Variants in SCAF11 observed in about 807,000 individuals in gnomAD.
SCAF11 encodes protein SCAF11.
In SCAF11, 47 loss-of-function variants were observed where a neutral mutation model predicts 140.5. That is an observed-to-expected ratio of 0.33 (90% confidence interval 0.26 to 0.43). The LOEUF (loss-of-function observed/expected upper bound fraction) is 0.43, where lower values mean the gene tolerates loss of function less well. SCAF11 is among the 20% of genes least tolerant of loss of function. The probability of loss-of-function intolerance (pLI) is 1.00; values close to 1 mark genes in which losing one functional copy is unlikely to be tolerated. For synonymous variants in SCAF11, 557 were observed against 579.4 expected, an observed-to-expected ratio of 0.96 and a Z score of 0.55; for missense variants, 1,645 against 1,705.1, an observed-to-expected ratio of 0.96 and a Z score of 0.62.
At chr12:45,976,585 G>T (rs1046018451) in intron 1 of SCAF11, among the ~76,000 whole-genome samples, 3 of 151,994 alleles carry the variant, frequency 2.0e-5, no homozygotes, top group Non-Finnish European at 4.4e-5. Context: ...AAGTTGGCCA[G>T]TTAAAATGGA....
chr12:45,982,379 C>T lies in SCAF11; in HGVS notation c.-22+7974G>A, dbSNP rs543613727. ...CTTCTTGACAAGCCATCTAGGCATA[C>T]AAAATAGTGCTATACGTATATTTAC... is the stretch of plus-strand genomic sequence containing the variant. On this transcript the variant is annotated intron_variant, in intron 1 of 14. Coordinates refer to ENST00000369367, the MANE Select transcript of SCAF11 (RefSeq NM_004719.3). Among the ~76,000 whole-genome samples, 5 of 152,214 alleles carry T rather than the reference C, an allele frequency of 3.3e-5. No individual in the cohort carries two copies. The East Asian group carries it at 9.6e-4, about 29-fold the overall frequency.
chr12:45,954,834 C>T (rs980429231), intron 3 of SCAF11: 1 of 149,724 alleles, frequency 6.7e-6, no homozygotes, highest in East Asian at 2.0e-4. Context: ...GATCCTCCTA[C>T]CTCAGCCTCC....
intron 3 of SCAF11, chr12:45,954,733 C>CTTTTTTTTTTTTT (rs759746881): frequency 1.1e-5 from 1 of 93,910 alleles, no homozygotes; most frequent in Non-Finnish European, 1.9e-5. Flanking sequence ...CCGTGCCTAG[C>CTTTTTTTTTTTTT]TTTTTTTTTT....
At chr12:45,979,689 T>C (rs1946308072) in intron 1 of SCAF11, among the ~76,000 whole-genome samples, 1 of 152,210 alleles carries the variant, frequency 6.6e-6, no homozygotes, top group Admixed American at 6.5e-5. Flanking sequence ...GCCTATTATC[T>C]GAATTTCTTA....
chr12:45,991,774 C>T, upstream of SCAF11: 1 of 761,050 alleles, frequency 1.3e-6, no homozygotes. Context: ...GTTGCTCTGC[C>T]TGCCCTCAGT....
chr12:45,957,640 A>G (rs1945722973), intron 3 of SCAF11, among the ~76,000 whole-genome samples: 1 of 152,190 alleles, frequency 6.6e-6, no homozygotes, highest in Admixed American at 6.5e-5. Context: ...AGGGAGAATA[A>G]TCTGCTTATA....
upstream of SCAF11, chr12:45,992,048 T>G: frequency 2.3e-6 from 3 of 1,288,542 alleles, no homozygotes; most frequent in Non-Finnish European, 3.0e-6. Context: ...ACTGCCGCCT[T>G]CCTGCATTCT....
rs1323066311 is a variant in SCAF11 at position 45,926,873 on chromosome 12, G to A, written c.2828C>T (p.Ser943Leu). ...SRSRSHSRSP[S>L]RCRTKSKSSS... ...ACTCTTACTTTTTGTTCTACATCTTGAGGGGGACCTAGAATGAGATCTGGA... is the reference window on the plus strand; with the variant it reads ...ACTCTTACTTTTTGTTCTACATCTTAAGGGGGACCTAGAATGAGATCTGGA... Residue 943 changes from serine (S) to leucine (L), a missense_variant, in exon 11 of 15, where the codon TCA becomes TTA. By Grantham distance (145) the Ser-to-Leu change is moderately radical (BLOSUM62 -2). This residue lies in a region of SCAF11 where 1,582 missense variants were observed against 1,609.2 expected (regional missense o/e 0.98). Coordinates refer to ENST00000369367, the MANE Select transcript of SCAF11 (RefSeq NM_004719.3). The A allele has an allele frequency of 6.2e-7, 1 of 1,613,770 alleles. No homozygotes were observed. Among genetic ancestry groups the A allele is most frequent in the African/African-American group, 1.3e-5 (1 of 74,902 alleles).
intron 3 of SCAF11, among the ~76,000 whole-genome samples, chr12:45,957,818 T>C (rs1479255741): frequency 6.6e-6 from 1 of 152,150 alleles, no homozygotes; most frequent in African/African-American, 2.4e-5. Context: ...TAAACATGTG[T>C]CTTCAAACCA....
chr12:45,959,230 T>C (rs959733364), intron 3 of SCAF11, among the ~76,000 whole-genome samples: 1 of 151,718 alleles, frequency 6.6e-6, no homozygotes, highest in East Asian at 1.9e-4. Context: ...ATGGTTCCAC[T>C]GCACTAGAGC....
intron 10 of SCAF11, 64 bp from the exon 11 acceptor site, chr12:45,928,923 T>C: frequency 2.0e-6 from 2 of 983,056 alleles, no homozygotes. Context: ...AATTTGGCTT[T>C]AGCTAATTTT....
intron 10 of SCAF11, chr12:45,929,098 G>C: frequency 3.0e-5 from 6 of 198,002 alleles, no homozygotes; most frequent in East Asian, 1.0e-4. Flanking sequence ...ATTTTATAGA[G>C]AAAAAAAAAA....
chr12:45,945,079 C>G, intron 6 of SCAF11, 170 bp downstream of exon 6: 1 of 574,432 alleles, frequency 1.7e-6, no homozygotes, highest in Non-Finnish European at 3.0e-6. Flanking sequence ...GGGCAGAAAA[C>G]AGTATAAATT....
At position 45,927,317 on chromosome 12, in the gene SCAF11, T is replaced by A; in HGVS notation, c.2384A>T (p.His795Leu). The change falls in exon 11 of 15, where the codon CAT becomes CTT. Residue 795 changes from histidine to leucine, a missense_variant. By Grantham distance (99) the His-to-Leu change is moderately conservative (BLOSUM62 -3). Coordinates refer to ENST00000369367, the MANE Select transcript of SCAF11 (RefSeq NM_004719.3). ...GGGTGACCAAGTTGTAGATGGAGAATGAAATCTAGATCTTCGAGTACGAGG... is the reference window on the plus strand; with the variant it reads ...GGGTGACCAAGTTGTAGATGGAGAAAGAAATCTAGATCTTCGAGTACGAGG... ...KKPRTRRSRF[H>L]SPSTTWSPNK... 1 of 1,614,024 alleles carries A rather than the reference T, an allele frequency of 6.2e-7. No individual in the cohort carries two copies. The highest frequency in any genetic ancestry group is 8.5e-7 in the Non-Finnish European group (1 of 1,179,940).
chr12:45,961,497 T>C, intron 3 of SCAF11: 1 of 582,882 alleles, frequency 1.7e-6, no homozygotes, highest in South Asian at 2.5e-5. Context: ...AAGTATGCAT[T>C]TAAAATATTA....
At chr12:45,926,038 T>G in intron 11 of SCAF11, 104 bp downstream of exon 11, 1 of 1,239,342 alleles carries the variant, frequency 8.1e-7, no homozygotes, top group Admixed American at 2.5e-5. Flanking sequence ...TTCAGCTTAT[T>G]ATAAAAACTA....
In SCAF11 at chr12:45,921,745, A is replaced by C. The variant is rs1213101647; in HGVS notation, c.*303T>G. ...TCTAATTTATGCACTCCATTGCCCT[A>C]ATCAAAAAGCTATACATTTTCCAGT... On this transcript the variant is annotated 3_prime_UTR_variant, in exon 15 of 15. Coordinates refer to ENST00000369367, the MANE Select transcript of SCAF11 (RefSeq NM_004719.3). 11 of 220,962 alleles carry C rather than the reference A, an allele frequency of 5.0e-5. No individual in the cohort carries two copies. The highest frequency in any genetic ancestry group is 9.7e-5 in the Non-Finnish European group (11 of 112,916). 13.7% of individuals were successfully genotyped at this position (220,962 alleles called of 1,614,324 possible).
chr12:45,973,679 G>A (rs1303001271), intron 1 of SCAF11, among the ~76,000 whole-genome samples: 1 of 152,254 alleles, frequency 6.6e-6, no homozygotes, highest in East Asian at 1.9e-4. Context: ...CAAGTCAGAA[G>A]AAAGGGGAAC....
intron 1 of SCAF11, among the ~76,000 whole-genome samples, chr12:45,984,795 A>G (rs1946425379): frequency 6.6e-6 from 1 of 151,798 alleles, no homozygotes; most frequent in Admixed American, 6.6e-5. Flanking sequence ...CCCAGGTTCA[A>G]GCGATTCTTG....
Sources: allele counts gnomAD v4.1 joint callset (sites outside exome capture counted in the v4.1 genomes callset), GRCh38; gene constraint gnomAD v4.1.1; regional missense constraint gnomAD v4.1.1; transcripts MANE v1.5; gene names NCBI Gene and HGNC (gene_info 2026-07-23, HGNC 2026-07-21).